The following CAMTA1 variants were observed in gnomAD, a reference collection of about 807,000 sequenced individuals.
CAMTA1 encodes the protein calmodulin-binding transcription activator 1.
A neutral mutation model predicts 170.9 loss-of-function variants in CAMTA1; 27 were observed. The observed-to-expected ratio is 0.16, with a 90% CI of 0.12 to 0.22. The LOEUF (loss-of-function observed/expected upper bound fraction) is 0.22. Among genes scored for constraint, CAMTA1 ranks in the 10% least tolerant of loss-of-function variants. CAMTA1 has a pLI of 1.00. For missense variants in CAMTA1, 1,619 were observed against 2,217.2 expected (o/e 0.73, Z 5.42); for synonymous variants, 833 against 891.5 (o/e 0.93, Z 1.17).
rs1025821106 is a variant in CAMTA1 at position 6,966,907 on chromosome 1, C to T, written c.235-124397C>T. Among the ~76,000 whole-genome samples, 10 of 151,292 alleles carry T rather than the reference C, an allele frequency of 6.6e-5. No individual in the cohort carries two copies. The East Asian group carries it at 8.0e-4, about 12-fold the overall frequency. On this transcript the variant is annotated intron_variant, in intron 3 of 22. Transcript: ENST00000303635. The stretch of plus-strand genomic sequence containing the variant: ...GATTACAGGCATGAGCCACCGTGCC[C>T]GGCCAAAACCTTTTTTATTGTAAAA...
intron 4 of CAMTA1, among the ~76,000 whole-genome samples, chr1:7,126,189 T>TG (rs1281769808): frequency 3.9e-5 from 6 of 152,050 alleles, no homozygotes; most frequent in Non-Finnish European, 8.8e-5. Flanking sequence ...CCCACAACAC[T>TG]GGGGAATGAT....
chr1:6,989,595 T>C (rs1369122761), intron 3 of CAMTA1, among the ~76,000 whole-genome samples: 2 of 152,142 alleles, frequency 1.3e-5, no homozygotes, highest in Non-Finnish European at 2.9e-5. Context: ...CTGTTATTGC[T>C]CCTAAGTGAG....
intron 3 of CAMTA1, among the ~76,000 whole-genome samples, chr1:6,855,509 C>T (rs997106899): frequency 1.3e-5 from 2 of 151,772 alleles, no homozygotes; most frequent in Non-Finnish European, 2.9e-5. Context: ...TTTAAACAGT[C>T]GGATCTCCTG....
At chr1:7,605,339 G>A (rs919546723) in intron 6 of CAMTA1, among the ~76,000 whole-genome samples, 4 of 152,216 alleles carry the variant, frequency 2.6e-5, no homozygotes, top group South Asian at 2.1e-4. Context: ...CACTGAGTTC[G>A]AGCTTCCCAG....
intron 3 of CAMTA1, among the ~76,000 whole-genome samples, chr1:6,893,492 A>G (rs566398773): frequency 2.6e-5 from 4 of 152,328 alleles, no homozygotes; most frequent in African/African-American, 9.6e-5. Flanking sequence ...TAGGAAACAG[A>G]TGAGACAGTC....
intron 4 of CAMTA1, among the ~76,000 whole-genome samples, chr1:7,145,539 T>C (rs1646132009): frequency 6.6e-6 from 1 of 152,100 alleles, no homozygotes; most frequent in African/African-American, 2.4e-5. Context: ...GAGGGTGACT[T>C]GGGAATGAGC....
chr1:7,168,131 T>C (rs1224323150), intron 4 of CAMTA1, among the ~76,000 whole-genome samples: 2 of 152,234 alleles, frequency 1.3e-5, no homozygotes, highest in African/African-American at 4.8e-5. Context: ...TATGTGTTAT[T>C]TTAAAAAGTA....
chr1:7,436,867 G>A (rs1357985720), intron 5 of CAMTA1, among the ~76,000 whole-genome samples: 1 of 152,112 alleles, frequency 6.6e-6, no homozygotes, highest in African/African-American at 2.4e-5. Flanking sequence ...TCTGGGTGTG[G>A]GATGTAAAGA....
intron 5 of CAMTA1, among the ~76,000 whole-genome samples, chr1:7,287,137 C>T (rs150607550): frequency 4.2e-4 from 64 of 152,262 alleles, no homozygotes; most frequent in Middle Eastern, 6.8e-3. Flanking sequence ...AGGAAACACT[C>T]GGCAAGGAGA....
chr1:6,878,242 A>G (rs926519312), intron 3 of CAMTA1, among the ~76,000 whole-genome samples: 4 of 152,234 alleles, frequency 2.6e-5, no homozygotes, highest in Non-Finnish European at 5.9e-5. Context: ...GTAGCACTCT[A>G]TGTGATGCCA....
At chr1:6,927,054 T>C (rs1459482212) in intron 3 of CAMTA1, among the ~76,000 whole-genome samples, 1 of 152,096 alleles carries the variant, frequency 6.6e-6, no homozygotes, top group African/African-American at 2.4e-5. Flanking sequence ...TGATTATTTT[T>C]TTTTTAATTT....
intron 6 of CAMTA1, among the ~76,000 whole-genome samples, chr1:7,630,265 C>T (rs375721486): frequency 2.0e-5 from 3 of 152,170 alleles, no homozygotes; most frequent in African/African-American, 4.8e-5. Context: ...AGACGGGACC[C>T]TCTGTCCCCT....
intron 22 of CAMTA1, among the ~76,000 whole-genome samples, chr1:7,757,586 G>A (rs942733634): frequency 2.0e-5 from 3 of 152,076 alleles, no homozygotes; most frequent in African/African-American, 7.2e-5. Context: ...GGCCAACGTG[G>A]TCAAACCGTG....
chr1:7,613,836 G>A (rs186282464), intron 6 of CAMTA1, among the ~76,000 whole-genome samples: 1,543 of 150,572 alleles, frequency 0.01, 17 homozygotes, highest in African/African-American at 0.035. Context: ...GGAGTCGGGG[G>A]AGCAAGTAGG....
chr1:7,423,539 C>G (rs1462010950), intron 5 of CAMTA1, among the ~76,000 whole-genome samples: 2 of 151,888 alleles, frequency 1.3e-5, no homozygotes, highest in Non-Finnish European at 2.9e-5. Flanking sequence ...CCAGCCTCCC[C>G]CCGCCGGGTG....
chr1:7,742,644 C>T (rs2096827008), intron 16 of CAMTA1, among the ~76,000 whole-genome samples: 1 of 152,168 alleles, frequency 6.6e-6, no homozygotes, highest in Non-Finnish European at 1.5e-5. Context: ...GATGTTTTTA[C>T]ATTGTTACAT....
At chr1:7,100,350 G>A (rs1041735166) in intron 4 of CAMTA1, among the ~76,000 whole-genome samples, 2 of 152,156 alleles carry the variant, frequency 1.3e-5, no homozygotes, top group Non-Finnish European at 2.9e-5. Flanking sequence ...GAAGATGAGC[G>A]ATGCTTAGTC....
At chr1:7,316,733 G>A (rs553485936) in intron 5 of CAMTA1, among the ~76,000 whole-genome samples, 4 of 152,264 alleles carry the variant, frequency 2.6e-5, no homozygotes, top group African/African-American at 4.8e-5. Context: ...AGACACACAC[G>A]AACAGCCTGT....
rs562651137 is a variant in CAMTA1, at chr1:7,273,417, T to C, written c.438+23791T>C. 1.1e-4 allele frequency among the ~76,000 whole-genome samples: 16 copies of C among 152,318 alleles called. 1 individual carries two copies. Among genetic ancestry groups the C allele is most frequent in the Middle Eastern group, 3.4e-3 (1 of 294 alleles). On this transcript the variant is annotated intron_variant, in intron 5 of 22. Coordinates refer to ENST00000303635, the MANE Select transcript of CAMTA1 (RefSeq NM_015215.4). ...AAAAAGGAATGAGGCACTGATAACATGCCACAACGTGGATGAACTTCTAAA... is the reference window on the plus strand; with the variant it reads ...AAAAAGGAATGAGGCACTGATAACACGCCACAACGTGGATGAACTTCTAAA...
Sources: gnomAD v4.1 joint callset for allele counts (sites outside exome capture counted in the v4.1 genomes callset) on GRCh38, gnomAD v4.1.1 for gene constraint, MANE v1.5 for transcripts, NCBI Gene and HGNC (gene_info 2026-07-23, HGNC 2026-07-21) for gene names.